EEA1: variants seen among roughly 807,000 people sequenced by gnomAD.
EEA1 encodes the protein early endosome antigen 1.
A neutral mutation model predicts 209.2 loss-of-function variants in EEA1; 111 were observed. The observed-to-expected ratio is 0.53, with a 90% CI of 0.45 to 0.62. The LOEUF (loss-of-function observed/expected upper bound fraction) is 0.62, where lower values mean the gene tolerates loss of function less well. EEA1 is among the 20% of genes least tolerant of loss of function. The pLI, the probability that EEA1 is intolerant of heterozygous loss-of-function variation, is 0.00. For missense variants in EEA1, 1,343 were observed against 1,530.8 expected (o/e 0.88, Z 2.05); for synonymous variants, 536 against 540.6 (o/e 0.99, Z 0.12).
chr12:92,919,459 T>C (rs1355958649), intron 1 of EEA1, among the ~76,000 whole-genome samples: 4 of 136,412 alleles, frequency 2.9e-5, no homozygotes, highest in East Asian at 2.2e-4. Context: ...AATCAATAAA[T>C]GTAATCCAGC....
Position 92,771,949 on chromosome 12 carries a change from A to G in EEA1, c.*4062T>C, listed in dbSNP as rs1050567199. ...AACTGGAATTCTATAAAGCTCACAA[A>G]GTAACATGTCTAATATACAATATAT... On this transcript the variant is annotated 3_prime_UTR_variant, in exon 29 of 29. Transcript: ENST00000322349. The G allele has an allele frequency of 6.6e-6, 1 of 152,066 alleles. No individual in the cohort carries two copies. The allele number at this position is 152,066 out of a possible 1,614,324, so 9.4% of individuals were successfully genotyped here. A position where few individuals can be genotyped will look rare whatever the true frequency, so the allele number is the denominator to read the frequency against.
intron 13 of EEA1, among the ~76,000 whole-genome samples, chr12:92,819,945 T>C (rs1875969579): frequency 6.6e-6 from 1 of 152,160 alleles, no homozygotes; most frequent in Non-Finnish European, 1.5e-5. Context: ...AACATCACCT[T>C]CTTAATTAGG....
At chr12:92,859,451 A>G (rs1291643979) in intron 3 of EEA1, among the ~76,000 whole-genome samples, 2 of 152,174 alleles carry the variant, frequency 1.3e-5, no homozygotes, top group Non-Finnish European at 2.9e-5. Flanking sequence ...TGGGCTTGCT[A>G]TTCTGTCCGT....
At position 92,854,020 on chromosome 12, in the gene EEA1, A is replaced by G. The variant is rs554023225; in HGVS notation, c.367-66T>C. The G allele has an allele frequency of 4.5e-5, 55 of 1,232,736 alleles. 1 individual carries two copies. The South Asian group carries it at 8.6e-4, about 19-fold the overall frequency. 76.4% of individuals were successfully genotyped at this position (1,232,736 alleles called of 1,614,324 possible). ...AAAAGATAATACTGTTAAAATGGTC[A>G]ATGTTAAAAAATCTCTGAAAGTCAC... On this transcript the variant is annotated intron_variant, in intron 5 of 28. Transcript: ENST00000322349.
At chr12:92,835,038 G>T (rs1227668521) in intron 10 of EEA1, among the ~76,000 whole-genome samples, 2 of 151,890 alleles carry the variant, frequency 1.3e-5, no homozygotes, top group Non-Finnish European at 2.9e-5. Context: ...CCGCCACCAT[G>T]CCCAGCTAAT....
At chr12:92,879,950 T>C (rs932542900) in intron 2 of EEA1, among the ~76,000 whole-genome samples, 6 of 152,166 alleles carry the variant, frequency 3.9e-5, no homozygotes, top group African/African-American at 1.4e-4. Context: ...CACAGACTTA[T>C]CCAAACAATC....
intron 11 of EEA1, among the ~76,000 whole-genome samples, chr12:92,831,174 GTAAAA>G (rs758726726): frequency 3.3e-5 from 5 of 151,920 alleles, no homozygotes; most frequent in Non-Finnish European, 5.9e-5. Flanking sequence ...ATTAATTATA[GTAAAA>G]TAAAGTATCA....
At chr12:92,899,887 C>T (rs1880077054) in intron 1 of EEA1, among the ~76,000 whole-genome samples, 1 of 152,174 alleles carries the variant, frequency 6.6e-6, no homozygotes, top group Non-Finnish European at 1.5e-5. Context: ...CCACATGACT[C>T]TTGGGTGTCT....
intron 2 of EEA1, among the ~76,000 whole-genome samples, chr12:92,888,142 G>C (rs1282271128): frequency 6.6e-6 from 1 of 151,314 alleles, no homozygotes; most frequent in Non-Finnish European, 1.5e-5. Context: ...TCAATGTGCT[G>C]ACAAAAAAAA....
At chr12:92,864,710 A>G (rs1565841146) in intron 3 of EEA1, 150 bp downstream of exon 3, 7 of 691,328 alleles carry the variant, frequency 1.0e-5, no homozygotes, top group Non-Finnish European at 1.3e-5. Context: ...AGTTTTTAAC[A>G]ATAGTGGAGG....
chr12:92,777,027 T>C (rs1873685805), intron 27 of EEA1, 85 bp from the exon 28 acceptor site: 1 of 1,436,070 alleles, frequency 7.0e-7, no homozygotes, highest in Non-Finnish European at 9.6e-7. Context: ...GCCAGAGTTC[T>C]ATAAAATTTT....
chr12:92,875,055 A>G (rs1047756865), intron 2 of EEA1, among the ~76,000 whole-genome samples: 1 of 152,186 alleles, frequency 6.6e-6, no homozygotes, highest in African/African-American at 2.4e-5. Flanking sequence ...TGTGATTACT[A>G]TGTTCTAGCT....
At chr12:92,927,535 A>G (rs572919451) in intron 1 of EEA1, among the ~76,000 whole-genome samples, 5 of 152,332 alleles carry the variant, frequency 3.3e-5, no homozygotes, top group African/African-American at 1.2e-4. Flanking sequence ...ATTTCTGAAA[A>G]CCAATCTATA....
intron 11 of EEA1, among the ~76,000 whole-genome samples, chr12:92,831,777 A>C (rs1876652681): frequency 6.6e-6 from 1 of 151,692 alleles, no homozygotes; most frequent in Non-Finnish European, 1.5e-5. Flanking sequence ...TCCCTAAAAC[A>C]CATAATTTTT....
At chr12:92,919,635 A>G (rs1880905501) in intron 1 of EEA1, among the ~76,000 whole-genome samples, 1 of 146,720 alleles carries the variant, frequency 6.8e-6, no homozygotes, top group Non-Finnish European at 1.5e-5. Context: ...CCCACAGCCA[A>G]TATCATACTG....
At chr12:92,865,236 T>C (rs1878325298) in intron 2 of EEA1, among the ~76,000 whole-genome samples, 1 of 152,158 alleles carries the variant, frequency 6.6e-6, no homozygotes, top group Non-Finnish European at 1.5e-5. Flanking sequence ...GATAAATTAA[T>C]AGCTGGAGTA....
intron 5 of EEA1, among the ~76,000 whole-genome samples, chr12:92,855,168 G>A (rs981340481): frequency 6.6e-6 from 1 of 152,158 alleles, no homozygotes. Context: ...GGTGGCTCAC[G>A]CCTGTAATCC....
chr12:92,915,337 G>A (rs1209860901), intron 1 of EEA1, among the ~76,000 whole-genome samples: 1 of 152,076 alleles, frequency 6.6e-6, no homozygotes, highest in African/African-American at 2.4e-5. Context: ...GTGTGCTGGT[G>A]TGGGCCTGTA....
chr12:92,904,297 G>A (rs1372365662), intron 1 of EEA1, among the ~76,000 whole-genome samples: 1 of 152,118 alleles, frequency 6.6e-6, no homozygotes, highest in Non-Finnish European at 1.5e-5. Flanking sequence ...ATTTGGCCTT[G>A]ACAAAAAGAT....
Sources: allele counts gnomAD v4.1 joint callset (sites outside exome capture counted in the v4.1 genomes callset), GRCh38; gene constraint gnomAD v4.1.1; transcripts MANE v1.5; gene names NCBI Gene and HGNC (gene_info 2026-07-23, HGNC 2026-07-21).